The following ABCC2 variants were observed in gnomAD, a reference collection of about 807,000 sequenced individuals.
The protein encoded by ABCC2 is ATP-binding cassette sub-family C member 2.
In ABCC2, 157 loss-of-function variants were observed where a neutral mutation model predicts 173.4. That is an observed-to-expected ratio of 0.91 (90% confidence interval 0.80 to 1.03). The LOEUF (loss-of-function observed/expected upper bound fraction) is 1.03. Among genes scored for constraint, ABCC2 ranks in the 50% least tolerant of loss-of-function variants. The pLI is 0.00. For synonymous variants in ABCC2, 657 were observed against 693.5 expected (o/e 0.95, Z 0.83); for missense variants, 1,822 against 1,852.3 (o/e 0.98, Z 0.30).
chr10:99,792,768 T>C (rs891926507), intron 3 of ABCC2, among the ~76,000 whole-genome samples: 1 of 152,230 alleles, frequency 6.6e-6, no homozygotes, highest in African/African-American at 2.4e-5. Context: ...AAAAAACTAA[T>C]GTCTCTCTTG....
chr10:99,791,876 G>A (rs1011449047), intron 2 of ABCC2, among the ~76,000 whole-genome samples: 5 of 152,168 alleles, frequency 3.3e-5, no homozygotes, highest in Non-Finnish European at 5.9e-5. Flanking sequence ...CCCTAGCCTT[G>A]GAAGTCACAC....
chr10:99,783,757 C>T (rs1481853071), intron 1 of ABCC2, among the ~76,000 whole-genome samples: 2 of 152,076 alleles, frequency 1.3e-5, no homozygotes, highest in African/African-American at 2.4e-5. Context: ...CCAAGACCCT[C>T]GAGGCCAGGA....
At chr10:99,806,328 T>G (rs1352383719) in intron 11 of ABCC2, among the ~76,000 whole-genome samples, 1 of 152,186 alleles carries the variant, frequency 6.6e-6, no homozygotes, top group Non-Finnish European at 1.5e-5. Flanking sequence ...CAAGGTTTCC[T>G]GCTAGTCTTT....
chr10:99,836,131 ACT>A lies in ABCC2; in HGVS notation c.3458_3459del (p.Ser1153CysfsTer24), dbSNP rs1564697579. The A allele has an allele frequency of 1.2e-6, 2 of 1,613,986 alleles. No homozygotes were observed. Among genetic ancestry groups the A allele is most frequent in the Middle Eastern group, 1.7e-4 (1 of 6,022 alleles). On this transcript the variant is annotated frameshift_variant, in exon 25 of 32. Coordinates refer to ENST00000647814, the MANE Select transcript of ABCC2 (RefSeq NM_000392.5). LOFTEE classifies it high-confidence loss of function. ...ACCTCCCGCCAGCTGAGGCGTCTGGACTCTGTCACCAGGTCCCCAATCTACTC... is the reference window on the plus strand; with the variant it reads ...ACCTCCCGCCAGCTGAGGCGTCTGGACTGTCACCAGGTCCCCAATCTACTC...
intron 29 of ABCC2, 102 bp downstream of exon 29, chr10:99,845,884 A>T: frequency 7.8e-7 from 1 of 1,286,424 alleles, no homozygotes; most frequent in South Asian, 1.3e-5. Flanking sequence ...AGCACTGTCA[A>T]TTCCACGGTC....
chr10:99,793,903 T>C lies in ABCC2; in HGVS notation c.480T>C (p.Ser160=). 2 of 1,613,712 alleles carry C rather than the reference T, an allele frequency of 1.2e-6. No individual in the cohort carries two copies. The highest frequency in any genetic ancestry group is 2.2e-5 in the East Asian group (1 of 44,870). ...LIRTLLQGDN[S]NLAYSCLFFI... ...TTTTTTCCTCATAGGGTGACAATTCTAATCTAGCCTACTCCTGCCTGTTCT... is the reference window on the plus strand; with the variant it reads ...TTTTTTCCTCATAGGGTGACAATTCCAATCTAGCCTACTCCTGCCTGTTCT... The change falls in exon 5 of 32, where the codon TCT becomes TCC. Residue 160 remains serine (S), a synonymous_variant. Coordinates refer to ENST00000647814, the MANE Select transcript of ABCC2 (RefSeq NM_000392.5).
Position 99,831,716 on chromosome 10 carries a change from A to T in ABCC2, c.2989A>T (p.Asn997Tyr). 1 of 1,614,216 alleles carries T rather than the reference A, an allele frequency of 6.2e-7. No individual in the cohort carries two copies. Among genetic ancestry groups the T allele is most frequent in the Non-Finnish European group, 8.5e-7 (1 of 1,180,024 alleles). ...VMNSVAFIGS[N>Y]LWLSAWTSDS... ...GAATTCTGTGGCTTTTATTGGATCC[A>T]ACCTCTGGCTCAGTGCTTGGACCAG... The change falls in exon 22 of 32, where the codon AAC becomes TAC. Residue 997 changes from asparagine to tyrosine, a missense_variant. By Grantham distance (143) the Asn-to-Tyr change is moderately radical. Coordinates refer to ENST00000647814, the MANE Select transcript of ABCC2 (RefSeq NM_000392.5).
At chr10:99,807,271 G>A in intron 11 of ABCC2, 113 bp from the exon 12 acceptor site, 1 of 1,365,390 alleles carries the variant, frequency 7.3e-7, no homozygotes, top group South Asian at 1.2e-5. Flanking sequence ...TTATAATCTG[G>A]ATTTCTATTC....
chr10:99,808,299 A>T, intron 13 of ABCC2, 70 bp downstream of exon 13: 1 of 1,573,510 alleles, frequency 6.4e-7, no homozygotes, highest in Non-Finnish European at 8.7e-7. Context: ...ATGACTGGCT[A>T]TCACATCCCA....
chr10:99,804,945 G>A (rs1176229535), intron 10 of ABCC2, among the ~76,000 whole-genome samples: 1 of 152,204 alleles, frequency 6.6e-6, no homozygotes, highest in African/African-American at 2.4e-5. Flanking sequence ...AAAAATATCA[G>A]ATCATGATAA....
intron 9 of ABCC2, 94 bp downstream of exon 9, chr10:99,800,657 A>C: frequency 1.5e-6 from 2 of 1,373,346 alleles, no homozygotes; most frequent in Non-Finnish European, 2.1e-6. Flanking sequence ...GGAAATGGTA[A>C]CTTATCTCAA....
At chr10:99,844,114 A>G (rs2133146320) in intron 27 of ABCC2, among the ~76,000 whole-genome samples, 1 of 152,304 alleles carries the variant, frequency 6.6e-6, no homozygotes, top group African/African-American at 2.4e-5. Context: ...GGAGATCTAC[A>G]GCACAAGCTC....
intron 11 of ABCC2, among the ~76,000 whole-genome samples, chr10:99,806,168 A>G (rs2038100796): frequency 6.6e-6 from 1 of 151,476 alleles, no homozygotes; most frequent in African/African-American, 2.4e-5. Flanking sequence ...TTTCCTGTAA[A>G]TTGATAGTTA....
intron 19 of ABCC2, among the ~76,000 whole-genome samples, chr10:99,820,845 T>C (rs2038522905): frequency 6.6e-6 from 1 of 152,104 alleles, no homozygotes; most frequent in Non-Finnish European, 1.5e-5. Flanking sequence ...CACCTGTGGG[T>C]GTTTCTCGTA....
At position 99,845,609 on chromosome 10, in the gene ABCC2, G is replaced by T; in HGVS notation, c.3988-15G>T. On this transcript the variant is annotated splice_polypyrimidine_tract_variant and intron_variant, in intron 28 of 31. Transcript: ENST00000647814. ...TTATTTGTGGAACTAATGTGTAAGG[G>T]AACTATATTCGCAGATTGGTGTGGT... 2 of 1,613,986 alleles carry T rather than the reference G, an allele frequency of 1.2e-6. No homozygotes were observed. The highest frequency in any genetic ancestry group is 4.5e-5 in the East Asian group (2 of 44,866).
At chr10:99,814,162 C>CATGTGT (rs373245901) in intron 16 of ABCC2, among the ~76,000 whole-genome samples, 2 of 26,618 alleles carry the variant, frequency 7.5e-5, no homozygotes, top group Non-Finnish European at 1.5e-4. Flanking sequence ...TGTATACACA[C>CATGTGT]GTATATATAC....
At chr10:99,788,109 C>G (rs1449126531) in intron 2 of ABCC2, among the ~76,000 whole-genome samples, 3 of 151,982 alleles carry the variant, frequency 2.0e-5, no homozygotes, top group Non-Finnish European at 2.9e-5. Flanking sequence ...ACCCAGTACT[C>G]TAGTCACTCA....
intron 19 of ABCC2, among the ~76,000 whole-genome samples, chr10:99,827,069 C>T (rs1197294983): frequency 6.6e-6 from 1 of 151,182 alleles, no homozygotes; most frequent in Non-Finnish European, 1.5e-5. Flanking sequence ...GATTAAGTCT[C>T]CTAGTGGGCG....
At position 99,841,817 on chromosome 10, in the gene ABCC2, C is replaced by A. The variant is rs921656906; in HGVS notation, c.3615-150C>A. On this transcript the variant is annotated intron_variant, in intron 25 of 31. Coordinates refer to ENST00000647814, the MANE Select transcript of ABCC2 (RefSeq NM_000392.5). ...ATATATCAATAGGCTTTTAGGAATACATGGTGTTTCTAAGTCAAATTGAGG... is the reference window on the plus strand; with the variant it reads ...ATATATCAATAGGCTTTTAGGAATAAATGGTGTTTCTAAGTCAAATTGAGG... 3 of 952,410 alleles carry A rather than the reference C, an allele frequency of 3.1e-6. No individual in the cohort carries two copies. The African/African-American group carries it at 4.9e-5, about 15-fold the overall frequency. 59.0% of individuals were successfully genotyped at this position (952,410 alleles called of 1,614,324 possible). A position where few individuals can be genotyped will look rare whatever the true frequency, so the allele number is the denominator to read the frequency against.
Sources: allele counts gnomAD v4.1 joint callset (sites outside exome capture counted in the v4.1 genomes callset), GRCh38; gene constraint gnomAD v4.1.1; transcripts MANE v1.5; gene names NCBI Gene and HGNC (gene_info 2026-07-23, HGNC 2026-07-21).